Variants in TACC2 observed in about 807,000 individuals in gnomAD.
TACC2 encodes transforming acidic coiled-coil containing protein 2.
A neutral mutation model predicts 227.3 loss-of-function variants in TACC2; 137 were observed. The observed-to-expected ratio is 0.60, with a 90% CI of 0.52 to 0.69. The LOEUF is 0.69. Ranked by LOEUF, TACC2 falls within the 30% of genes least tolerant of loss-of-function variation. TACC2 has a pLI of 0.00. For synonymous variants in TACC2, 1,523 were observed against 1,487.5 expected (o/e 1.02, Z -0.55); for missense variants, 3,470 against 3,694.4 (o/e 0.94, Z 1.57).
intron 19 of TACC2, chr10:122,247,500 G>GAACA (rs1242698270): frequency 5.3e-5 from 8 of 152,198 alleles, no homozygotes; most frequent in Admixed American, 2.6e-4. Flanking sequence ...AGGACAGAGG[G>GAACA]GTGTTTTGTG....
At chr10:122,027,016 A>G (rs991461582) in intron 2 of TACC2, among the ~76,000 whole-genome samples, 7 of 152,268 alleles carry the variant, frequency 4.6e-5, no homozygotes, top group African/African-American at 1.2e-4. Context: ...GAGTATGTTC[A>G]GTTTTGTAAG....
At chr10:122,236,045 A>C (rs992854210) in intron 16 of TACC2, among the ~76,000 whole-genome samples, 1 of 152,156 alleles carries the variant, frequency 6.6e-6, no homozygotes, top group Non-Finnish European at 1.5e-5. Context: ...AACCGGTCCT[A>C]ACTCAGTCAT....
At chr10:122,051,476 G>A (rs1453079887) in intron 3 of TACC2, 3 of 152,126 alleles carry the variant, frequency 2.0e-5, no homozygotes, top group Non-Finnish European at 4.4e-5. Context: ...TAGTCCAGCA[G>A]ACTCGAGCAC....
At chr10:122,036,911 G>A (rs1350087719) in intron 2 of TACC2, among the ~76,000 whole-genome samples, 1 of 152,150 alleles carries the variant, frequency 6.6e-6, no homozygotes, top group Non-Finnish European at 1.5e-5. Flanking sequence ...ATATACTAAT[G>A]TTCCAATTTC....
chr10:122,197,481 C>G (rs1022848101), intron 8 of TACC2, among the ~76,000 whole-genome samples: 5 of 152,198 alleles, frequency 3.3e-5, no homozygotes, highest in African/African-American at 1.2e-4. Context: ...TTCCTTTCAA[C>G]AAAGCAGAGA....
intron 2 of TACC2, among the ~76,000 whole-genome samples, chr10:122,026,163 A>C (rs1282437997): frequency 2.3e-4 from 6 of 26,498 alleles, no homozygotes; most frequent in African/African-American, 4.8e-4. Context: ...CTAAAAATCC[A>C]AAAAAAAAAA....
rs2095713902 is a variant in TACC2, at chr10:122,230,386, C to G, written c.8073C>G (p.Ala2691=). The G allele has an allele frequency of 6.2e-7, 1 of 1,614,182 alleles. No individual in the cohort carries two copies. The highest frequency in any genetic ancestry group is 2.2e-5 in the East Asian group (1 of 44,868). The part of the protein sequence containing the change: ...ELEFAIMRIE[A]LKLARQIALA... ...AGTTTGCCATCATGCGGATAGAAGC[C>G]CTGAAGCTGGCCAGGCAGATTGCTT... Residue 2691 remains alanine, a synonymous_variant, in exon 16 of 23, where the codon GCC becomes GCG. Coordinates refer to ENST00000369005, the MANE Select transcript of TACC2 (RefSeq NM_206862.4).
intron 11 of TACC2, among the ~76,000 whole-genome samples, chr10:122,218,194 C>T (rs1490286681): frequency 6.6e-6 from 1 of 151,814 alleles, no homozygotes; most frequent in Middle Eastern, 3.4e-3. Flanking sequence ...CTGCCCACCT[C>T]GGCCTCCCAA....
chr10:122,158,400 A>C (rs192478562), intron 7 of TACC2, among the ~76,000 whole-genome samples: 88 of 152,212 alleles, frequency 5.8e-4, no homozygotes, highest in African/African-American at 1.5e-3. Context: ...ATCTCAAAAA[A>C]AAAAACAAAA....
chr10:122,241,695 T>C (rs1009959039), intron 18 of TACC2: 2 of 536,918 alleles, frequency 3.7e-6, no homozygotes, highest in Non-Finnish European at 6.7e-6. Flanking sequence ...TCTCAATACC[T>C]GGGACTGCAG....
At chr10:122,151,871 T>C (rs1221862054) in intron 7 of TACC2, among the ~76,000 whole-genome samples, 1 of 152,200 alleles carries the variant, frequency 6.6e-6, no homozygotes, top group Non-Finnish European at 1.5e-5. Flanking sequence ...AGGCAGGTGC[T>C]GGGATACAGT....
chr10:122,164,703 G>C (rs1310207140), intron 7 of TACC2, among the ~76,000 whole-genome samples: 2 of 152,134 alleles, frequency 1.3e-5, no homozygotes, highest in Non-Finnish European at 2.9e-5. Flanking sequence ...GGCATGTTTG[G>C]ACGATGGGGC....
In TACC2 at chr10:122,132,067, A is replaced by AGG. The variant is rs57429902; in HGVS notation, c.5574-542_5574-541insGG. On this transcript the variant is annotated intron_variant, in intron 5 of 22. Transcript: ENST00000369005. ...AAGAAAGAAAGAAAGAAAGAAAGAA[A>AGG]AAGAAAGAAAGAAAGAGAAAGATCT... Among the ~76,000 whole-genome samples the AGG allele has an allele frequency of 9.4e-3, 266 of 28,358 alleles. 5 individuals carry two copies. Among genetic ancestry groups the AGG allele is most frequent in the African/African-American group, 0.014 (181 of 12,656 alleles). 18.6% of individuals were successfully genotyped at this position (28,358 alleles called of 152,430 possible). A position where few individuals can be genotyped will look rare whatever the true frequency, so the allele number is the denominator to read the frequency against.
Position 122,168,473 on chromosome 10 carries a change from C to T in TACC2, c.5834+24767C>T, listed in dbSNP as rs188350442. The stretch of plus-strand genomic sequence containing the variant: ...TGCCATTATTCCTAGATATCACCAG[C>T]GTGGCCCTGTGCCTGTGTTCATAAG... On this transcript the variant is annotated intron_variant, in intron 7 of 22. Coordinates refer to ENST00000369005, the MANE Select transcript of TACC2 (RefSeq NM_206862.4). Among the ~76,000 whole-genome samples the T allele has an allele frequency of 3.0e-4, 46 of 152,296 alleles. No individual in the cohort carries two copies. The East Asian group carries it at 3.1e-3, about 10-fold the overall frequency.
intron 2 of TACC2, among the ~76,000 whole-genome samples, chr10:122,042,728 AC>A (rs2074458693): frequency 6.6e-6 from 1 of 152,186 alleles, no homozygotes; most frequent in African/African-American, 2.4e-5. Context: ...TTCTACAGAT[AC>A]GGTACTCGAG....
intron 6 of TACC2, among the ~76,000 whole-genome samples, chr10:122,137,017 C>T (rs979874367): frequency 6.6e-6 from 1 of 151,398 alleles, no homozygotes; most frequent in Non-Finnish European, 1.5e-5. Context: ...CTTTTTTTTT[C>T]TGAGTAGCGG....
rs750694570 is a variant in TACC2 at position 122,249,599 on chromosome 10, C to T, written c.8716C>T (p.His2906Tyr). Residue 2906 changes from histidine to tyrosine, a missense_variant, in exon 22 of 23, where the codon CAC (histidine) becomes TAC (tyrosine). His to Tyr is a moderately conservative substitution (Grantham distance 83, BLOSUM62 2). Transcript: ENST00000369005. ...RGKAQQEQAAHQASLRKEQLR... is the reference protein window; with the variant it reads ...RGKAQQEQAAYQASLRKEQLR... ...CAAGGCCCAGCAGGAGCAAGCCGCC[C>T]ACCAGGCCAGCCTGCGGAAGGAGCA... 1.9e-6 allele frequency: 3 copies of T among 1,614,038 alleles called. No homozygotes were observed. The highest frequency in any genetic ancestry group is 2.5e-6 in the Non-Finnish European group (3 of 1,180,030).
intron 2 of TACC2, among the ~76,000 whole-genome samples, chr10:122,034,524 A>G (rs1304303558): frequency 6.6e-6 from 1 of 152,160 alleles, no homozygotes; most frequent in Non-Finnish European, 1.5e-5. Flanking sequence ...TGCTTCCTGG[A>G]TCAGCCCAGA....
intron 19 of TACC2, among the ~76,000 whole-genome samples, chr10:122,243,459 C>G (rs2096049953): frequency 6.6e-6 from 1 of 152,152 alleles, no homozygotes. Context: ...TGAGTGCTTT[C>G]CATTCAAAGG....
Sources: allele counts gnomAD v4.1 joint callset (sites outside exome capture counted in the v4.1 genomes callset), GRCh38; gene constraint gnomAD v4.1.1; transcripts MANE v1.5; gene names NCBI Gene and HGNC (gene_info 2026-07-23, HGNC 2026-07-21).